The following ERAP1 variants were observed in gnomAD, a reference collection of about 807,000 sequenced individuals.
The protein encoded by ERAP1 is endoplasmic reticulum aminopeptidase 1, also known as adipocyte-derived leucine aminopeptidase.
In ERAP1, 86 loss-of-function variants were observed where a neutral mutation model predicts 103.7. That is an observed-to-expected ratio of 0.83 (90% confidence interval 0.70 to 0.99). ERAP1 has a LOEUF of 0.99. Ranked by LOEUF, ERAP1 falls within the 50% of genes least tolerant of loss-of-function variation. The probability of loss-of-function intolerance (pLI) is 0.00; values close to 1 mark genes in which losing one functional copy is unlikely to be tolerated. For missense variants in ERAP1, 1,009 were observed against 1,128.4 expected (o/e 0.89, Z 1.52); for synonymous variants, 398 against 402.4 (o/e 0.99, Z 0.13).
the ERAP1 span, among the ~76,000 whole-genome samples, chr5:96,907,357 G>A: frequency 6.6e-6 from 1 of 152,168 alleles, no homozygotes; most frequent in Non-Finnish European, 1.5e-5. Context: ...ATAAAAGTAA[G>A]TATTTTTAAT....
chr5:96,898,758 A>G, the ERAP1 span, among the ~76,000 whole-genome samples: 4 of 151,836 alleles, frequency 2.6e-5, no homozygotes, highest in Admixed American at 2.6e-4. Flanking sequence ...AAAACAAACA[A>G]ACAAACAAAA....
Position 96,807,840 on chromosome 5 carries a change from G to T in ERAP1, c.-18+20C>A. 1.0e-6 allele frequency: 1 copy of T among 985,804 alleles called. No homozygotes were observed. The highest frequency in any genetic ancestry group is 1.2e-6 in the Non-Finnish European group (1 of 830,176). 61.1% of individuals were successfully genotyped at this position (985,804 alleles called of 1,614,324 possible). A position where few individuals can be genotyped will look rare whatever the true frequency, so the allele number is the denominator to read the frequency against. ...CCTCCCGGCCCGCAGTCCCCTACCC[G>T]CGGCTCGAGCGCGCTGTACCTGGGG... On this transcript the variant is annotated intron_variant, in intron 1 of 18. Transcript: ENST00000443439.
chr5:96,842,034 G>A, the ERAP1 span, among the ~76,000 whole-genome samples: 3 of 152,046 alleles, frequency 2.0e-5, no homozygotes, highest in Non-Finnish European at 1.5e-5. Flanking sequence ...GAGAACATAC[G>A]ATGTTTGATT....
chr5:96,888,804 T>A, the ERAP1 span, among the ~76,000 whole-genome samples: 1 of 152,178 alleles, frequency 6.6e-6, no homozygotes, highest in Non-Finnish European at 1.5e-5. Context: ...AAACCTATGT[T>A]TTATTTGAAT....
chr5:96,926,037 A>G, the ERAP1 span, among the ~76,000 whole-genome samples: 4 of 151,172 alleles, frequency 2.6e-5, no homozygotes, highest in South Asian at 4.2e-4. Flanking sequence ...CAGCCTCCCA[A>G]GTAGCTGGGA....
the ERAP1 span, among the ~76,000 whole-genome samples, chr5:96,842,180 A>G: frequency 6.6e-6 from 1 of 151,616 alleles, no homozygotes; most frequent in Middle Eastern, 3.2e-3. Flanking sequence ...TCCTTTATCT[A>G]CTCATTGGTT....
At chr5:96,837,844 G>A in the ERAP1 span, among the ~76,000 whole-genome samples, 2 of 152,182 alleles carry the variant, frequency 1.3e-5, no homozygotes, top group Non-Finnish European at 1.5e-5. Context: ...TCAGCGTGAA[G>A]GGGAGCTGAA....
chr5:96,934,713 C>T, the ERAP1 span: 1 of 152,284 alleles, frequency 6.6e-6, no homozygotes, highest in East Asian at 1.9e-4. Context: ...CCTGGCCGTC[C>T]CTGTTTGAGC....
chr5:96,765,168 C>T (rs1769408125), intron 19 of ERAP1: 1 of 1,040,318 alleles, frequency 9.6e-7, no homozygotes, highest in African/African-American at 1.6e-5. Context: ...GCTAATTTGC[C>T]TCTGATACAG....
chr5:96,785,762 C>T (rs755905358), intron 13 of ERAP1, 26 bp downstream of exon 13: 1 of 1,612,850 alleles, frequency 6.2e-7, no homozygotes, highest in Non-Finnish European at 8.5e-7. Context: ...CAGAAATAAA[C>T]CGCGACTTTG....
At chr5:96,922,481 A>C in the ERAP1 span, among the ~76,000 whole-genome samples, 1 of 152,172 alleles carries the variant, frequency 6.6e-6, no homozygotes, top group Non-Finnish European at 1.5e-5. Context: ...ATATAATTTT[A>C]TTTTCTTTCT....
chr5:96,844,485 T>C, the ERAP1 span, among the ~76,000 whole-genome samples: 5 of 152,190 alleles, frequency 3.3e-5, no homozygotes, highest in African/African-American at 1.2e-4. Flanking sequence ...CAACCAATTT[T>C]GATATGTGCA....
At chr5:96,917,654 C>T in the ERAP1 span, 5 of 1,496,114 alleles carry the variant, frequency 3.3e-6, no homozygotes, top group Non-Finnish European at 4.5e-6. Flanking sequence ...CGCCTGTAAT[C>T]CCAGCACTTT....
At chr5:96,830,505 A>C in the ERAP1 span, among the ~76,000 whole-genome samples, 2 of 152,216 alleles carry the variant, frequency 1.3e-5, no homozygotes, top group African/African-American at 4.8e-5. Context: ...ACAAGATGGA[A>C]TATTCATATG....
upstream of ERAP1, among the ~76,000 whole-genome samples, chr5:96,811,726 G>A (rs1373800975): frequency 1.3e-5 from 2 of 152,242 alleles, no homozygotes; most frequent in Non-Finnish European, 1.5e-5. Context: ...CAAGCAAGTT[G>A]AGTGACCACA....
Position 96,776,275 on chromosome 5 carries a change from A to G in ERAP1, c.*121T>C. 1 of 1,531,690 alleles carries G rather than the reference A, an allele frequency of 6.5e-7. No homozygotes were observed. Among genetic ancestry groups the G allele is most frequent in the South Asian group, 1.3e-5 (1 of 79,092 alleles). The allele number at this position is 1,531,690 out of a possible 1,614,324, so 94.9% of individuals were successfully genotyped here. On this transcript the variant is annotated 3_prime_UTR_variant, in exon 19 of 19. Coordinates refer to ENST00000443439, the MANE Select transcript of ERAP1 (RefSeq NM_001040458.3). Reference sequence around the variant, plus strand: ...ATTCTTTTCACAGGGATAGTCAAAAAATGAGTTGAAGGGAAAAAAGTATCT... The same window carrying G: ...ATTCTTTTCACAGGGATAGTCAAAAGATGAGTTGAAGGGAAAAAAGTATCT...
intron 7 of ERAP1, among the ~76,000 whole-genome samples, 171 bp downstream of exon 7, chr5:96,793,229 T>A (rs1341552793): frequency 1.3e-5 from 2 of 152,232 alleles, no homozygotes; most frequent in Non-Finnish European, 2.9e-5. Context: ...TTGTGGTATA[T>A]CTTGAAAGTT....
At chr5:96,799,102 G>C (rs1374694303) in intron 3 of ERAP1, among the ~76,000 whole-genome samples, 2 of 151,614 alleles carry the variant, frequency 1.3e-5, no homozygotes, top group Non-Finnish European at 2.9e-5. Context: ...CTGACCTCAG[G>C]TTATCCACCT....
At chr5:96,790,728 T>C (rs539223613) in intron 8 of ERAP1, 85 bp from the exon 9 acceptor site, 1 of 1,354,250 alleles carries the variant, frequency 7.4e-7, no homozygotes, top group East Asian at 2.3e-5. Context: ...ATAAAACACA[T>C]TTCTTTGAAA....
Sources: gnomAD v4.1 joint callset for allele counts (sites outside exome capture counted in the v4.1 genomes callset) on GRCh38, gnomAD v4.1.1 for gene constraint, MANE v1.5 for transcripts, NCBI Gene and HGNC (gene_info 2026-07-23, HGNC 2026-07-21) for gene names.